Variants in HDX observed in about 807,000 individuals in gnomAD.
The protein encoded by HDX is chromosome X open reading frame 43.
Under a neutral mutation model 45.2 loss-of-function variants are expected in HDX, and 19 were observed. The observed-to-expected ratio is 0.42, with a 90% CI of 0.29 to 0.62. HDX has a LOEUF of 0.62. Among genes scored for constraint, HDX ranks in the 20% least tolerant of loss-of-function variants. The pLI, the probability that HDX is intolerant of heterozygous loss-of-function variation, is 0.20. For synonymous variants in HDX, 188 were observed against 172.8 expected, an observed-to-expected ratio of 1.09 and a Z score of -0.69; for missense variants, 532 against 493.9, an observed-to-expected ratio of 1.08 and a Z score of -0.73.
chrX:84,350,294 G>A (rs1019576708), intron 6 of HDX, among the ~76,000 whole-genome samples: 20 of 111,183 alleles, frequency 1.8e-4, no homozygotes, highest in African/African-American at 5.6e-4. Flanking sequence ...TGAAAAGTGT[G>A]TATTTTATTT....
At chrX:84,496,411 C>T (rs961359055) in intron 1 of HDX, among the ~76,000 whole-genome samples, 7 of 109,788 alleles carry the variant, frequency 6.4e-5, no homozygotes, top group Non-Finnish European at 1.1e-4. Flanking sequence ...TGTTAAAATG[C>T]GGATTCTGAT....
At chrX:84,458,014 A>G (rs751167814) in intron 4 of HDX, among the ~76,000 whole-genome samples, 1 of 112,023 alleles carries the variant, frequency 8.9e-6, no homozygotes, top group South Asian at 3.7e-4. Context: ...CCAGAAGTTC[A>G]TACTGCTAAT....
chrX:84,404,648 T>G (rs1435393261), intron 5 of HDX, among the ~76,000 whole-genome samples: 3 of 111,299 alleles, frequency 2.7e-5, no homozygotes, highest in African/African-American at 9.8e-5. Context: ...ATAGAGTTAA[T>G]TGATTTCTAC....
At chrX:84,396,958 A>T (rs1373773330) in intron 5 of HDX, among the ~76,000 whole-genome samples, 2 of 111,879 alleles carry the variant, frequency 1.8e-5, no homozygotes, top group Non-Finnish European at 3.8e-5. Context: ...AATGCTAAAG[A>T]GAGGCAGCAG....
At chrX:84,381,748 A>G (rs1438942378) in intron 5 of HDX, among the ~76,000 whole-genome samples, 1 of 111,575 alleles carries the variant, frequency 9.0e-6, no homozygotes. Flanking sequence ...CTATTAAACT[A>G]CTACAGGAAA....
chrX:84,470,097 C>A (rs2040428131), intron 3 of HDX, among the ~76,000 whole-genome samples: 1 of 111,658 alleles, frequency 9.0e-6, no homozygotes, highest in Non-Finnish European at 1.9e-5. Flanking sequence ...TATATCATAA[C>A]TTGCTTAATT....
chrX:84,492,777 T>C (rs2040916907), intron 1 of HDX, among the ~76,000 whole-genome samples: 2 of 112,023 alleles, frequency 1.8e-5, no homozygotes, highest in African/African-American at 6.5e-5. Flanking sequence ...CTGAGATCCC[T>C]GTCTATGCAA....
At chrX:84,475,169 C>A (rs1184771356) in intron 3 of HDX, 82 bp downstream of exon 3, 6 of 817,233 alleles carry the variant, frequency 7.3e-6, no homozygotes, top group South Asian at 7.1e-5. Flanking sequence ...TGACTTCATA[C>A]CCTGAATATT....
intron 5 of HDX, among the ~76,000 whole-genome samples, chrX:84,404,382 A>G (rs764832563): frequency 2.9e-4 from 32 of 111,855 alleles, no homozygotes; most frequent in Admixed American, 5.7e-4. Context: ...CAGCAATGGC[A>G]TGATTCGACA....
At chrX:84,344,494 ATAGAAAACT>A in intron 6 of HDX, 37 bp from the exon 7 acceptor site, 1 of 1,009,993 alleles carries the variant, frequency 9.9e-7, no homozygotes, top group Non-Finnish European at 1.4e-6. Flanking sequence ...TTTTGTAAAC[ATAGAAAACT>A]TAGCAGTTCT....
intron 2 of HDX, among the ~76,000 whole-genome samples, chrX:84,485,587 G>C (rs189982225): frequency 9.0e-6 from 1 of 111,001 alleles, no homozygotes. Flanking sequence ...TAGTAGAGAC[G>C]GGGTTTCACC....
chrX:84,324,832 C>T (rs537497702), intron 10 of HDX, among the ~76,000 whole-genome samples: 2 of 110,558 alleles, frequency 1.8e-5, no homozygotes, highest in Admixed American at 9.7e-5. Flanking sequence ...TTAAGTTATT[C>T]CTCTGCTTGT....
At position 84,361,199 on chromosome X, in the gene HDX, A is replaced by G. The variant is rs190255808; in HGVS notation, c.1452+267T>C. 2.8e-3 allele frequency among the ~76,000 whole-genome samples: 309 copies of G among 111,915 alleles called. 1 individual carries two copies. Among genetic ancestry groups the G allele is most frequent in the African/African-American group, 9.8e-3 (302 of 30,878 alleles). On this transcript the variant is annotated intron_variant, in intron 6 of 10. Transcript: ENST00000373177. ...TTTCAGGTAAATATTGGCAATATGT[A>G]TATCTTTTTAAAACAAATATCTATT...
chrX:84,349,977 C>T (rs1602289904), intron 6 of HDX, among the ~76,000 whole-genome samples: 1 of 109,454 alleles, frequency 9.1e-6, no homozygotes, highest in Admixed American at 9.8e-5. Context: ...GTTCACTATT[C>T]GAGTGACAGG....
At chrX:84,415,268 A>C (rs1284333349) in intron 5 of HDX, among the ~76,000 whole-genome samples, 1 of 112,288 alleles carries the variant, frequency 8.9e-6, no homozygotes, top group African/African-American at 3.2e-5. Flanking sequence ...GTGGCTTTGC[A>C]TGATATCCTG....
chrX:84,366,645 A>G (rs1245610725), intron 5 of HDX, among the ~76,000 whole-genome samples: 3 of 111,257 alleles, frequency 2.7e-5, no homozygotes, highest in Middle Eastern at 4.3e-3. Flanking sequence ...AAATAGACCA[A>G]TGGAACAGAA....
At chrX:84,458,640 C>A in intron 4 of HDX, among the ~76,000 whole-genome samples, 1 of 111,458 alleles carries the variant, frequency 9.0e-6, no homozygotes, top group East Asian at 2.8e-4. Context: ...CAAGGTAAAA[C>A]AACTTTTAAC....
At chrX:84,336,164 A>G (rs2036955431) in intron 8 of HDX, among the ~76,000 whole-genome samples, 2 of 111,220 alleles carry the variant, frequency 1.8e-5, no homozygotes, top group African/African-American at 6.5e-5. Flanking sequence ...ATATAAACAG[A>G]TGTTGCTAAA....
At chrX:84,405,792 C>T (rs755708360) in intron 5 of HDX, among the ~76,000 whole-genome samples, 76 of 108,890 alleles carry the variant, frequency 7.0e-4, no homozygotes, top group South Asian at 3.2e-3. Flanking sequence ...GTAAACTAGA[C>T]GCTAATCCAA....
Sources: gnomAD v4.1 joint callset for allele counts (sites outside exome capture counted in the v4.1 genomes callset) on GRCh38, gnomAD v4.1.1 for gene constraint, MANE v1.5 for transcripts, NCBI Gene and HGNC (gene_info 2026-07-23, HGNC 2026-07-21) for gene names.